Variants in APP observed in about 807,000 individuals in gnomAD.
The protein encoded by APP is amyloid-beta precursor protein.
A neutral mutation model predicts 101.4 loss-of-function variants in APP; 31 were observed. That is an observed-to-expected ratio of 0.31 (90% CI 0.23 to 0.41). The LOEUF (loss-of-function observed/expected upper bound fraction) is 0.41, where lower values mean the gene tolerates loss of function less well. Among genes scored for constraint, APP ranks in the 10% least tolerant of loss-of-function variants. APP has a pLI of 1.00. For synonymous variants in APP, 366 were observed against 364.4 expected, an observed-to-expected ratio of 1.00 and a Z score of -0.05; for missense variants, 839 against 1,003.7, an observed-to-expected ratio of 0.84 and a Z score of 2.22.
At chr21:26,038,045 A>T (rs2045199797) in intron 5 of APP, among the ~76,000 whole-genome samples, 1 of 152,154 alleles carries the variant, frequency 6.6e-6, no homozygotes. Flanking sequence ...TGCTATTTGA[A>T]TACCTATTTA....
chr21:26,123,477 G>A (rs2062617636), intron 1 of APP, among the ~76,000 whole-genome samples: 1 of 152,150 alleles, frequency 6.6e-6, no homozygotes, highest in African/African-American at 2.4e-5. Context: ...AATACTCCAG[G>A]TTTAAATTCC....
intron 6 of APP, among the ~76,000 whole-genome samples, chr21:26,014,187 G>GT (rs2043949942): frequency 6.6e-6 from 1 of 152,148 alleles, no homozygotes; most frequent in Non-Finnish European, 1.5e-5. Flanking sequence ...TCCAACTGAA[G>GT]TATGTGAGTT....
chr21:26,102,162 C>G (rs1334407443), intron 2 of APP, among the ~76,000 whole-genome samples: 4 of 144,056 alleles, frequency 2.8e-5, no homozygotes, highest in Admixed American at 7.2e-5. Context: ...GATCTCGGCT[C>G]ACCGCAAGCT....
chr21:26,112,227 A>G (rs1195966110), intron 1 of APP, 81 bp from the exon 2 acceptor site: 3 of 1,439,924 alleles, frequency 2.1e-6, no homozygotes, highest in African/African-American at 2.8e-5. Context: ...ATAACTATCA[A>G]AAAGAGTTCT....
intron 13 of APP, among the ~76,000 whole-genome samples, chr21:25,915,555 C>A (rs2039311645): frequency 6.6e-6 from 1 of 152,226 alleles, no homozygotes; most frequent in Non-Finnish European, 1.5e-5. Context: ...CATGTCTGTT[C>A]CAATATCTTT....
chr21:25,966,886 G>A (rs966147139), intron 11 of APP, among the ~76,000 whole-genome samples: 5 of 152,200 alleles, frequency 3.3e-5, no homozygotes, highest in African/African-American at 1.2e-4. Context: ...TTTATGAGGT[G>A]GTTTAAACCT....
At chr21:25,891,644 A>G (rs2037703363) in intron 17 of APP, 78 bp downstream of exon 17, 2 of 1,375,002 alleles carry the variant, frequency 1.5e-6, no homozygotes, top group Non-Finnish European at 2.1e-6. Flanking sequence ...ATACTTAGCT[A>G]GTTCTTAGCA....
intron 3 of APP, among the ~76,000 whole-genome samples, chr21:26,085,208 T>C (rs2146094102): frequency 6.6e-6 from 1 of 152,310 alleles, no homozygotes; most frequent in Non-Finnish European, 1.5e-5. Flanking sequence ...AGGCCACATA[T>C]AAAGGAGTCT....
chr21:25,922,937 A>G (rs2039695143), intron 13 of APP, among the ~76,000 whole-genome samples: 2 of 144,926 alleles, frequency 1.4e-5, no homozygotes, highest in Non-Finnish European at 1.5e-5. Flanking sequence ...TCCTAAGCCA[A>G]AAGAACGAAG....
intron 3 of APP, among the ~76,000 whole-genome samples, chr21:26,062,356 C>A (rs1419787614): frequency 4.0e-5 from 6 of 150,478 alleles, no homozygotes; most frequent in East Asian, 4.0e-4. Context: ...AAAAAAAAAA[C>A]CACGGGAACA....
In APP at chr21:26,170,700, G is replaced by A. The variant is rs1279693145; in HGVS notation, c.-80C>T. On this transcript the variant is annotated 5_prime_UTR_variant, in exon 1 of 18. Transcript: ENST00000346798. ...TCCTTGCTCTGCCCGCGCCGCCACC[G>A]CCGCCGTCTCCCGGGGCCCCCGCGC... is the stretch of plus-strand genomic sequence containing the variant. The A allele has an allele frequency of 1.4e-6, 2 of 1,395,182 alleles. No homozygotes were observed. The highest frequency in any genetic ancestry group is 1.9e-6 in the Non-Finnish European group (2 of 1,066,244). The allele number at this position is 1,395,182 out of a possible 1,614,324, so 86.4% of individuals were successfully genotyped here. A position where few individuals can be genotyped will look rare whatever the true frequency, so the allele number is the denominator to read the frequency against.
chr21:25,928,541 T>A (rs1332461367), intron 13 of APP, among the ~76,000 whole-genome samples: 2 of 152,188 alleles, frequency 1.3e-5, no homozygotes, highest in Non-Finnish European at 2.9e-5. Context: ...TAAAAATTTT[T>A]AAATATATTT....
At chr21:26,116,845 A>T (rs557668484) in intron 1 of APP, among the ~76,000 whole-genome samples, 1 of 152,282 alleles carries the variant, frequency 6.6e-6, no homozygotes, top group East Asian at 1.9e-4. Flanking sequence ...GTACTTTTTA[A>T]TCAGTTCAAA....
intron 1 of APP, among the ~76,000 whole-genome samples, chr21:26,145,600 T>C (rs2063138289): frequency 6.6e-6 from 1 of 152,108 alleles, no homozygotes; most frequent in South Asian, 2.1e-4. Context: ...ACCCCTGCTC[T>C]AAAGTATCTG....
At chr21:25,961,822 A>G (rs1473594332) in intron 11 of APP, among the ~76,000 whole-genome samples, 1 of 152,238 alleles carries the variant, frequency 6.6e-6, no homozygotes, top group African/African-American at 2.4e-5. Context: ...TTCATACTTA[A>G]GACGGGTTAT....
chr21:25,994,823 A>T (rs1200501189), intron 8 of APP, among the ~76,000 whole-genome samples: 3 of 152,246 alleles, frequency 2.0e-5, no homozygotes, highest in Admixed American at 2.0e-4. Flanking sequence ...GACTTTTTCA[A>T]ATCAAATGTG....
At chr21:26,040,027 T>C (rs1176715521) in intron 5 of APP, among the ~76,000 whole-genome samples, 4 of 152,156 alleles carry the variant, frequency 2.6e-5, no homozygotes, top group Non-Finnish European at 4.4e-5. Flanking sequence ...TCCATACATA[T>C]AAGATATGTT....
intron 4 of APP, 140 bp from the exon 5 acceptor site, chr21:26,051,333 G>T: frequency 1.1e-6 from 1 of 937,292 alleles, no homozygotes; most frequent in Non-Finnish European, 1.7e-6. Flanking sequence ...TGCTTTTTGA[G>T]TGAATTTACA....
chr21:26,053,126 T>G (rs796614658), intron 4 of APP, 110 bp downstream of exon 4: 19 of 881,500 alleles, frequency 2.2e-5, no homozygotes, highest in African/African-American at 3.3e-5. Context: ...GGTTTTTTTC[T>G]TAAATAACTT....
Sources: allele counts gnomAD v4.1 joint callset (sites outside exome capture counted in the v4.1 genomes callset), GRCh38; gene constraint gnomAD v4.1.1; transcripts MANE v1.5; gene names NCBI Gene and HGNC (gene_info 2026-07-23, HGNC 2026-07-21).